FHIT: variants seen among roughly 807,000 people sequenced by gnomAD.
FHIT encodes fragile histidine triad diadenosine triphosphatase, also known as bis(5'-adenosyl)-triphosphatase.
In FHIT, 19 loss-of-function variants were observed where a neutral mutation model predicts 17.9. That is an observed-to-expected ratio of 1.06 (90% CI 0.74 to 1.56). The LOEUF is 1.56. Ranked by LOEUF, FHIT falls within the 40% of genes most tolerant of loss-of-function variation. The pLI is 0.00. For synonymous variants in FHIT, 81 were observed against 69.7 expected (o/e 1.16, Z -0.81); for missense variants, 248 against 189.2 (o/e 1.31, Z -1.82).
intron 7 of FHIT, among the ~76,000 whole-genome samples, chr3:59,944,889 G>C (rs1328886720): frequency 6.6e-6 from 1 of 152,032 alleles, no homozygotes; most frequent in African/African-American, 2.4e-5. Flanking sequence ...AGTACTCCAT[G>C]GTGCATATTT....
intron 5 of FHIT, among the ~76,000 whole-genome samples, chr3:60,450,058 T>C (rs1559923900): frequency 2.0e-5 from 3 of 148,072 alleles, no homozygotes; most frequent in South Asian, 4.3e-4. Context: ...GGTAGACCTA[T>C]ATAGAGCACT....
chr3:61,243,054 G>T (rs1576286651), intron 1 of FHIT, among the ~76,000 whole-genome samples: 1 of 152,146 alleles, frequency 6.6e-6, no homozygotes, highest in African/African-American at 2.4e-5. Context: ...TTGTTCCAAA[G>T]TTACACTATA....
At chr3:61,073,906 G>A (rs1231898015) in intron 2 of FHIT, among the ~76,000 whole-genome samples, 5 of 152,106 alleles carry the variant, frequency 3.3e-5, no homozygotes, top group South Asian at 2.1e-4. Flanking sequence ...CCTTGAATAG[G>A]GTCAAAGTAG....
At chr3:60,447,669 A>C (rs754837291) in intron 5 of FHIT, among the ~76,000 whole-genome samples, 7 of 152,278 alleles carry the variant, frequency 4.6e-5, no homozygotes, top group Non-Finnish European at 1.0e-4. Flanking sequence ...AATAATAAAA[A>C]AAATCACAAG....
At chr3:60,752,462 T>G (rs2042486556) in intron 4 of FHIT, among the ~76,000 whole-genome samples, 1 of 152,188 alleles carries the variant, frequency 6.6e-6, no homozygotes, top group Non-Finnish European at 1.5e-5. Flanking sequence ...GGAAGGCGAC[T>G]GGGGTCAGTA....
intron 8 of FHIT, among the ~76,000 whole-genome samples, chr3:59,864,822 A>AAGAG (rs58009000): frequency 2.7e-5 from 4 of 146,858 alleles, no homozygotes; most frequent in African/African-American, 7.6e-5. Flanking sequence ...AATTATATGA[A>AAGAG]AGAGAGAGAG....
intron 7 of FHIT, among the ~76,000 whole-genome samples, chr3:59,964,661 A>G (rs1419757513): frequency 6.6e-6 from 1 of 152,182 alleles, no homozygotes; most frequent in Non-Finnish European, 1.5e-5. Context: ...AACATTATGG[A>G]AATAAGGGAG....
chr3:60,664,128 T>C (rs1267347573), intron 4 of FHIT, among the ~76,000 whole-genome samples: 1 of 152,192 alleles, frequency 6.6e-6, no homozygotes, highest in South Asian at 2.1e-4. Context: ...TATTTCTAAA[T>C]TGCTGAGAAT....
Position 60,107,623 on chromosome 3 carries a change from AGTTT to A in FHIT, c.104-93475_104-93472del, listed in dbSNP as rs368183055. ...GAAAGTCACTAAATATATATACATA[AGTTT>A]GTTGGCTACTTCCAACTGGACAGGC... On this transcript the variant is annotated intron_variant, in intron 5 of 9. Coordinates refer to ENST00000492590, the MANE Select transcript of FHIT (RefSeq NM_002012.4). Among the ~76,000 whole-genome samples, 35 of 152,282 alleles carry A rather than the reference AGTTT, an allele frequency of 2.3e-4. 1 individual carries two copies. The East Asian group carries it at 6.8e-3, about 29-fold the overall frequency.
At chr3:59,940,586 T>C (rs1361424949) in intron 7 of FHIT, among the ~76,000 whole-genome samples, 2 of 152,132 alleles carry the variant, frequency 1.3e-5, no homozygotes, top group Non-Finnish European at 2.9e-5. Flanking sequence ...TACAAATCCT[T>C]AGGAAGTGGA....
intron 5 of FHIT, among the ~76,000 whole-genome samples, chr3:60,039,049 G>C (rs556879541): frequency 6.6e-6 from 1 of 152,196 alleles, no homozygotes; most frequent in South Asian, 2.1e-4. Flanking sequence ...CTGAGACTAG[G>C]GCCATCTCAG....
chr3:60,070,600 C>T (rs1003618397), intron 5 of FHIT, among the ~76,000 whole-genome samples: 3 of 152,158 alleles, frequency 2.0e-5, no homozygotes, highest in African/African-American at 7.2e-5. Context: ...GAGCTTTTGT[C>T]ACATTCTTTA....
chr3:61,199,978 G>C (rs11130821), intron 2 of FHIT, among the ~76,000 whole-genome samples: 65,764 of 151,888 alleles, frequency 0.43, 14,614 homozygotes, highest in East Asian at 0.58. Flanking sequence ...ACCTAGCAAA[G>C]AGGAAACAAT....
intron 3 of FHIT, among the ~76,000 whole-genome samples, chr3:60,870,895 G>A (rs1364445221): frequency 1.3e-5 from 2 of 152,058 alleles, no homozygotes; most frequent in Non-Finnish European, 2.9e-5. Flanking sequence ...AGAACTGCTT[G>A]GGAAATAGTC....
At chr3:60,042,965 G>C (rs1701503164) in intron 5 of FHIT, among the ~76,000 whole-genome samples, 1 of 152,090 alleles carries the variant, frequency 6.6e-6, no homozygotes, top group Non-Finnish European at 1.5e-5. Flanking sequence ...CTGTGGCAAG[G>C]CATTATGCAT....
intron 5 of FHIT, among the ~76,000 whole-genome samples, chr3:60,196,868 T>C (rs1310429920): frequency 1.3e-5 from 2 of 152,108 alleles, no homozygotes; most frequent in Non-Finnish European, 1.5e-5. Flanking sequence ...GTCTCATTTC[T>C]TATACTTTGC....
chr3:59,770,649 C>T (rs2106829248), intron 8 of FHIT, among the ~76,000 whole-genome samples: 1 of 152,266 alleles, frequency 6.6e-6, no homozygotes, highest in South Asian at 2.1e-4. Flanking sequence ...CGACAAATTT[C>T]CATTGTTTAA....
intron 7 of FHIT, among the ~76,000 whole-genome samples, chr3:59,985,700 G>A (rs1048216785): frequency 1.3e-5 from 2 of 152,142 alleles, no homozygotes; most frequent in Non-Finnish European, 2.9e-5. Flanking sequence ...GAATTGGGAT[G>A]AGTCCTGTCT....
intron 5 of FHIT, among the ~76,000 whole-genome samples, chr3:60,364,360 T>C (rs1700025216): frequency 6.6e-6 from 1 of 152,212 alleles, no homozygotes; most frequent in Non-Finnish European, 1.5e-5. Context: ...TTTGACCCCC[T>C]CCTTGCCATG....
Sources: allele counts gnomAD v4.1 joint callset (sites outside exome capture counted in the v4.1 genomes callset), GRCh38; gene constraint gnomAD v4.1.1; transcripts MANE v1.5; gene names NCBI Gene and HGNC (gene_info 2026-07-23, HGNC 2026-07-21).